AKAP13: variants seen among roughly 807,000 people sequenced by gnomAD.
The protein encoded by AKAP13 is A-kinase anchor protein 13.
A neutral mutation model predicts 264.5 loss-of-function variants in AKAP13; 80 were observed. That is an observed-to-expected ratio of 0.30 (90% CI 0.25 to 0.36). The LOEUF (loss-of-function observed/expected upper bound fraction) is 0.36, where lower values mean the gene tolerates loss of function less well. Ranked by LOEUF, AKAP13 falls within the 10% of genes least tolerant of loss-of-function variation. The pLI, the probability that AKAP13 is intolerant of heterozygous loss-of-function variation, is 1.00. For synonymous variants in AKAP13, 1,380 were observed against 1,250.2 expected (o/e 1.10, Z -2.19); for missense variants, 3,712 against 3,435.2 (o/e 1.08, Z -2.01).
At chr15:85,669,614 T>C in intron 13 of AKAP13, 108 bp from the exon 14 acceptor site, 6 of 771,760 alleles carry the variant, frequency 7.8e-6, no homozygotes, top group Non-Finnish European at 1.1e-5. Context: ...CTCACCCGCT[T>C]CTTCACTGCC....
At chr15:85,399,519 A>AAATAAAT (rs2071303101) in intron 1 of AKAP13, among the ~76,000 whole-genome samples, 8 of 124,578 alleles carry the variant, frequency 6.4e-5, no homozygotes, top group Non-Finnish European at 1.3e-4. Context: ...AAAAAAAAAA[A>AAATAAAT]AAATAAAAAA....
chr15:85,429,877 T>C (rs1372520047), intron 1 of AKAP13, among the ~76,000 whole-genome samples: 1 of 152,206 alleles, frequency 6.6e-6, no homozygotes, highest in East Asian at 1.9e-4. Flanking sequence ...TTTTTATCTT[T>C]TGAATATTCC....
chr15:85,660,134 C>T lies in AKAP13; in HGVS notation c.4799+1544C>T, dbSNP rs930369574. ...TTGGGAGGCTGAGCCAGATGGATTGCGTGAGCCCGGGAATTTGAGACCTGC... is the reference window on the plus strand; with the variant it reads ...TTGGGAGGCTGAGCCAGATGGATTGTGTGAGCCCGGGAATTTGAGACCTGC... On this transcript the variant is annotated intron_variant, in intron 12 of 36. Coordinates refer to ENST00000394518, the MANE Select transcript of AKAP13 (RefSeq NM_007200.5). 3.3e-5 allele frequency among the ~76,000 whole-genome samples: 5 copies of T among 151,980 alleles called. No individual in the cohort carries two copies. In the East Asian group the frequency reaches 7.7e-4, roughly 24 times the overall value.
chr15:85,734,914 C>T (rs935464063), intron 30 of AKAP13, 78 bp from the exon 31 acceptor site: 10 of 1,531,760 alleles, frequency 6.5e-6, no homozygotes, highest in South Asian at 1.3e-5. Flanking sequence ...GCTCTTTGTA[C>T]GTATCATATA....
At chr15:85,576,532 A>T (rs1192418954) in intron 6 of AKAP13, among the ~76,000 whole-genome samples, 1 of 152,178 alleles carries the variant, frequency 6.6e-6, no homozygotes, top group Non-Finnish European at 1.5e-5. Context: ...TGGGCATAAC[A>T]TCTGAAAGGC....
chr15:85,388,520 A>C (rs1269141458), intron 1 of AKAP13, among the ~76,000 whole-genome samples: 1 of 150,910 alleles, frequency 6.6e-6, no homozygotes, highest in Non-Finnish European at 1.5e-5. Context: ...GTCTTTTATC[A>C]AGTTGAGGAA....
intron 8 of AKAP13, among the ~76,000 whole-genome samples, chr15:85,622,568 A>T (rs1045929494): frequency 2.0e-5 from 3 of 152,172 alleles, no homozygotes; most frequent in Non-Finnish European, 4.4e-5. Context: ...TTCTGGTAGT[A>T]ATCGGTTAGC....
intron 1 of AKAP13, among the ~76,000 whole-genome samples, chr15:85,411,497 G>A (rs1314019000): frequency 6.6e-6 from 1 of 152,066 alleles, no homozygotes; most frequent in Non-Finnish European, 1.5e-5. Context: ...GAGTGTAGTG[G>A]CACGATCTCG....
At chr15:85,474,755 G>T (rs1049826408) in intron 1 of AKAP13, among the ~76,000 whole-genome samples, 8 of 152,070 alleles carry the variant, frequency 5.3e-5, no homozygotes, top group African/African-American at 1.9e-4. Context: ...TGTGTTTCCA[G>T]TGTCATTGTT....
intron 8 of AKAP13, among the ~76,000 whole-genome samples, chr15:85,630,468 G>A (rs1596797340): frequency 6.6e-6 from 1 of 152,304 alleles, no homozygotes; most frequent in Non-Finnish European, 1.5e-5. Flanking sequence ...TATGCAAGAT[G>A]CTATGGTAGG....
intron 1 of AKAP13, among the ~76,000 whole-genome samples, chr15:85,435,913 G>A (rs1449511750): frequency 3.9e-4 from 55 of 141,724 alleles, no homozygotes; most frequent in African/African-American, 1.3e-3. Flanking sequence ...ATCAACTAAC[G>A]AGCAAAATCA....
At chr15:85,423,038 C>T (rs1035380895) in intron 1 of AKAP13, among the ~76,000 whole-genome samples, 1 of 152,178 alleles carries the variant, frequency 6.6e-6, no homozygotes, top group Non-Finnish European at 1.5e-5. Flanking sequence ...TAAAACTGTA[C>T]ATCCCTTAAT....
At chr15:85,540,730 A>T (rs181168787) in intron 4 of AKAP13, among the ~76,000 whole-genome samples, 2 of 152,268 alleles carry the variant, frequency 1.3e-5, no homozygotes. Context: ...ATATTCGTTT[A>T]TCCCTTTGCA....
chr15:85,551,540 T>C (rs1477097293), intron 5 of AKAP13, among the ~76,000 whole-genome samples: 4 of 152,210 alleles, frequency 2.6e-5, no homozygotes, highest in African/African-American at 9.6e-5. Context: ...GGTAGGAATT[T>C]AAAGTTGGTT....
intron 36 of AKAP13, chr15:85,744,121 T>C (rs2089268218): frequency 2.5e-6 from 1 of 403,182 alleles, no homozygotes; most frequent in Non-Finnish European, 4.5e-6. Context: ...CCTCCTTGCC[T>C]TTCTGGGCCT....
At chr15:85,646,840 C>T (rs1208255597) in intron 10 of AKAP13, among the ~76,000 whole-genome samples, 1 of 152,154 alleles carries the variant, frequency 6.6e-6, no homozygotes, top group South Asian at 2.1e-4. Context: ...CTTTCTTTTG[C>T]TTATATTTGT....
rs1567213757 is a variant in AKAP13 at position 85,721,996 on chromosome 15, A to C, written c.6258A>C (p.Ser2086=). 6.2e-7 allele frequency: 1 copy of C among 1,614,056 alleles called. No individual in the cohort carries two copies. Among genetic ancestry groups the C allele is most frequent in the Non-Finnish European group, 8.5e-7 (1 of 1,179,898 alleles). Residue 2086 remains serine, a synonymous_variant, in exon 24 of 37, where the codon TCA becomes TCC. Transcript: ENST00000394518. The stretch of plus-strand genomic sequence containing the variant: ...CTGTTCTCTTTTCTCTGCAGTTTTC[A>C]GGTGAGAATGCAGAACGTTTAAAGA... ...RIGDVLVNQF[S]GENAERLKKT... is the part of the protein sequence containing the mutation.
chr15:85,473,510 A>G (rs2075042236), intron 1 of AKAP13, among the ~76,000 whole-genome samples: 1 of 152,246 alleles, frequency 6.6e-6, no homozygotes. Context: ...CATAAGTTAA[A>G]TAGGCCCCAC....
At chr15:85,442,039 T>C (rs902396444) in intron 1 of AKAP13, among the ~76,000 whole-genome samples, 2 of 152,196 alleles carry the variant, frequency 1.3e-5, no homozygotes, top group Non-Finnish European at 2.9e-5. Context: ...TCCCTAGGGA[T>C]GATTATGAAA....
Sources: allele counts gnomAD v4.1 joint callset (sites outside exome capture counted in the v4.1 genomes callset), GRCh38; gene constraint gnomAD v4.1.1; transcripts MANE v1.5; gene names NCBI Gene and HGNC (gene_info 2026-07-23, HGNC 2026-07-21).